The following ITPR1 variants were observed in gnomAD, a reference collection of about 807,000 sequenced individuals.
The protein encoded by ITPR1 is inositol 1,4,5-trisphosphate receptor type 1.
A neutral mutation model predicts 318.4 loss-of-function variants in ITPR1; 96 were observed. That is an observed-to-expected ratio of 0.30 (90% CI 0.26 to 0.36). The LOEUF is 0.36. Among genes scored for constraint, ITPR1 ranks in the 10% least tolerant of loss-of-function variants. ITPR1 has a pLI of 1.00. For missense variants in ITPR1, 2,440 were observed against 3,460.2 expected, an observed-to-expected ratio of 0.71 and a Z score of 7.40; for synonymous variants, 1,312 against 1,289.9, an observed-to-expected ratio of 1.02 and a Z score of -0.37.
chr3:4,639,528 G>A (rs2093286519), intron 6 of ITPR1, 58 bp downstream of exon 6: 3 of 1,256,276 alleles, frequency 2.4e-6, no homozygotes, highest in African/African-American at 1.5e-5. Context: ...ATGCAGCTGA[G>A]GAAACAAACA....
chr3:4,536,170 G>A (rs369997590), intron 4 of ITPR1, among the ~76,000 whole-genome samples: 6 of 152,108 alleles, frequency 3.9e-5, no homozygotes, highest in Admixed American at 1.3e-4. Context: ...GAGTTCAGTC[G>A]TTTGCCAGGT....
chr3:4,663,530 G>A (rs911418298), intron 16 of ITPR1, among the ~76,000 whole-genome samples: 9 of 152,180 alleles, frequency 5.9e-5, no homozygotes, highest in Non-Finnish European at 1.0e-4. Context: ...CAGCAAGATT[G>A]TGCAAAAAGT....
At position 4,764,021 on chromosome 3, in the gene ITPR1, C is replaced by T. The variant is rs564935887; in HGVS notation, c.5545-2509C>T. ...AACACAGCTGGGATAGCAGCTGAAGCGAATGGCCCTGCACGGCCACCTTCT... is the reference window on the plus strand; with the variant it reads ...AACACAGCTGGGATAGCAGCTGAAGTGAATGGCCCTGCACGGCCACCTTCT... On this transcript the variant is annotated intron_variant, in intron 44 of 61. Coordinates refer to ENST00000649015, the MANE Select transcript of ITPR1 (RefSeq NM_001378452.1). Among the ~76,000 whole-genome samples, 30 of 152,334 alleles carry T rather than the reference C, an allele frequency of 2.0e-4. No individual in the cohort carries two copies. The South Asian group carries it at 3.7e-3, about 19-fold the overall frequency.
chr3:4,632,136 G>T (rs1277159064), intron 5 of ITPR1, among the ~76,000 whole-genome samples: 2 of 152,186 alleles, frequency 1.3e-5, no homozygotes, highest in South Asian at 4.1e-4. Flanking sequence ...TCTCCTCAAA[G>T]TCTGTGCTGG....
intron 60 of ITPR1, among the ~76,000 whole-genome samples, chr3:4,829,054 GA>G (rs1215372548): frequency 2.0e-5 from 3 of 152,138 alleles, no homozygotes; most frequent in Non-Finnish European, 2.9e-5. Flanking sequence ...ATGACATACT[GA>G]TTTATAATAC....
At chr3:4,731,612 A>G (rs2042931717) in intron 42 of ITPR1, among the ~76,000 whole-genome samples, 1 of 152,162 alleles carries the variant, frequency 6.6e-6, no homozygotes, top group South Asian at 2.1e-4. Context: ...TCCCATCCCA[A>G]TCTGTCCCTG....
chr3:4,588,990 C>CAATG (rs2090158226), intron 4 of ITPR1, among the ~76,000 whole-genome samples: 1 of 152,136 alleles, frequency 6.6e-6, no homozygotes, highest in Non-Finnish European at 1.5e-5. Context: ...GCTACCCAGA[C>CAATG]CATTGTTTCC....
intron 13 of ITPR1, 124 bp from the exon 14 acceptor site, chr3:4,660,864 G>T (rs2093817001): frequency 3.3e-5 from 16 of 480,458 alleles, no homozygotes; most frequent in Non-Finnish European, 4.5e-5. Context: ...CGTGTATACT[G>T]CCCAGTGTAT....
chr3:4,747,877 G>A (rs1169464807), intron 44 of ITPR1, among the ~76,000 whole-genome samples: 1 of 152,212 alleles, frequency 6.6e-6, no homozygotes, highest in African/African-American at 2.4e-5. Flanking sequence ...TGCGTCTAAA[G>A]AAGCATATGT....
chr3:4,800,954 A>T (rs1405512562), intron 54 of ITPR1, among the ~76,000 whole-genome samples: 4 of 152,220 alleles, frequency 2.6e-5, no homozygotes, highest in African/African-American at 9.7e-5. Flanking sequence ...AAGTGAAATG[A>T]TCAAATATTA....
intron 4 of ITPR1, among the ~76,000 whole-genome samples, chr3:4,578,031 CTG>C (rs2088872265): frequency 6.6e-6 from 1 of 152,234 alleles, no homozygotes; most frequent in South Asian, 2.1e-4. Context: ...GCCAGTGAAA[CTG>C]TGCATTCTAT....
At chr3:4,808,661 G>C (rs115226966) in intron 55 of ITPR1, among the ~76,000 whole-genome samples, 137 of 152,270 alleles carry the variant, frequency 9.0e-4, no homozygotes, top group Non-Finnish European at 1.6e-3. Flanking sequence ...AATGTGTCTG[G>C]TAAGAACCAG....
intron 53 of ITPR1, 154 bp from the exon 54 acceptor site, chr3:4,800,271 C>G (rs1404559037): frequency 2.1e-5 from 13 of 630,884 alleles, no homozygotes; most frequent in Non-Finnish European, 2.1e-5. Context: ...GCTGATGGGA[C>G]TGGTTATGGA....
Position 4,681,372 on chromosome 3 carries a change from G to C in ITPR1, c.3115G>C (p.Asp1039His), listed in dbSNP as rs771308450. ...EGPSNVPGALDFEHIEEQAEG... is the reference protein window; with the variant it reads ...EGPSNVPGALHFEHIEEQAEG... ...ATGTTCTAACTTTTCAGGTGCTCTT[G>C]ACTTTGAACACATTGAAGAACAAGC... The change falls in exon 26 of 62, where the codon GAC becomes CAC. Residue 1039 changes from aspartate to histidine, a missense_variant. By Grantham distance (81) the Asp-to-His change is moderately conservative (BLOSUM62 -1). This residue lies in a region of ITPR1 where 76 missense variants were observed against 132.2 expected (regional missense o/e 0.58). Coordinates refer to ENST00000649015, the MANE Select transcript of ITPR1 (RefSeq NM_001378452.1). 16 of 1,612,168 alleles carry C rather than the reference G, an allele frequency of 9.9e-6. No homozygotes were observed. The highest frequency in any genetic ancestry group is 3.3e-5 in the Admixed American group (2 of 59,988).
At chr3:4,601,964 G>C (rs1211319413) in intron 4 of ITPR1, among the ~76,000 whole-genome samples, 1 of 152,174 alleles carries the variant, frequency 6.6e-6, no homozygotes, top group Admixed American at 6.5e-5. Context: ...AGTAGCATTA[G>C]TCATTAGGGA....
At chr3:4,561,599 A>T (rs4685761) in intron 4 of ITPR1, among the ~76,000 whole-genome samples, 108,985 of 152,050 alleles carry the variant, frequency 0.72, 39,122 homozygotes, top group Admixed American at 0.75. Flanking sequence ...GGAGAAAATA[A>T]GAAAGAATGT....
intron 16 of ITPR1, among the ~76,000 whole-genome samples, chr3:4,664,764 T>C (rs777188537): frequency 6.6e-6 from 1 of 152,272 alleles, no homozygotes; most frequent in South Asian, 2.1e-4. Context: ...CTCTGTGATA[T>C]AGGCATTATT....
At chr3:4,781,086 A>G (rs1029516359) in intron 49 of ITPR1, among the ~76,000 whole-genome samples, 5 of 152,206 alleles carry the variant, frequency 3.3e-5, no homozygotes, top group Admixed American at 1.3e-4. Flanking sequence ...CGCATGTAAC[A>G]TGTTGTCTGC....
At position 4,693,718 on chromosome 3, in the gene ITPR1, A is replaced by T. The variant is rs752623473; in HGVS notation, c.4258A>T (p.Thr1420Ser). 1 of 1,613,004 alleles carries T rather than the reference A, an allele frequency of 6.2e-7. No homozygotes were observed. Among genetic ancestry groups the T allele is most frequent in the Admixed American group, 1.7e-5 (1 of 59,786 alleles). Residue 1420 changes from threonine to serine, a missense_variant, in exon 33 of 62, where the codon ACC becomes TCC. Around this residue, in one of 23 missense-constraint regions of ITPR1, gnomAD observed 222 missense variants for 318.8 expected, o/e 0.70. Coordinates refer to ENST00000649015, the MANE Select transcript of ITPR1 (RefSeq NM_001378452.1). ...LPLDDIVRVV[T>S]HEDCIPEVKI... ...GCTGGATGACATCGTTCGCGTGGTGACCCACGAGGACTGCATCCCTGAGGT... is the reference window on the plus strand; with the variant it reads ...GCTGGATGACATCGTTCGCGTGGTGTCCCACGAGGACTGCATCCCTGAGGT...
Sources: allele counts gnomAD v4.1 joint callset (sites outside exome capture counted in the v4.1 genomes callset), GRCh38; gene constraint gnomAD v4.1.1; regional missense constraint gnomAD v4.1.1; transcripts MANE v1.5; gene names NCBI Gene and HGNC (gene_info 2026-07-23, HGNC 2026-07-21).